Variants in USP28 observed in about 807,000 individuals in gnomAD.
USP28 encodes the protein ubiquitin specific peptidase 28.
In USP28, 113 loss-of-function variants were observed where a neutral mutation model predicts 145.0. The ratio of observed to expected loss-of-function variants is 0.78; its 90% CI spans 0.67 to 0.91. The LOEUF (loss-of-function observed/expected upper bound fraction) is 0.91. Among genes scored for constraint, USP28 ranks in the 40% least tolerant of loss-of-function variants. The pLI, the probability that USP28 is intolerant of heterozygous loss-of-function variation, is 0.00. For synonymous variants in USP28, 447 were observed against 450.9 expected (o/e 0.99, Z 0.11); for missense variants, 1,201 against 1,289.6 (o/e 0.93, Z 1.05).
chr11:113,831,023 G>A (rs768810273), intron 8 of USP28, 80 bp from the exon 9 acceptor site: 3 of 1,461,184 alleles, frequency 2.1e-6, no homozygotes, highest in Non-Finnish European at 2.9e-6. Context: ...TCATTCAAAA[G>A]CAAAAATAGT....
intron 1 of USP28, among the ~76,000 whole-genome samples, chr11:113,856,861 A>C (rs1947103997): frequency 6.6e-6 from 1 of 152,086 alleles, no homozygotes; most frequent in African/African-American, 2.4e-5. Flanking sequence ...TACAGGTGTG[A>C]GCCACCACAC....
At chr11:113,808,533 A>C in intron 17 of USP28, 96 bp from the exon 18 acceptor site, 1 of 1,315,288 alleles carries the variant, frequency 7.6e-7, no homozygotes. Flanking sequence ...TTTAATATAC[A>C]ACCCTGTTAA....
At chr11:113,850,514 T>C (rs963269640) in intron 3 of USP28, among the ~76,000 whole-genome samples, 1 of 152,194 alleles carries the variant, frequency 6.6e-6, no homozygotes, top group South Asian at 2.1e-4. Context: ...GAGAAACATA[T>C]GAGAATACTC....
exon 14 of USP28, chr11:113,815,290 C>G (rs769304445): frequency 6.2e-7 from 1 of 1,613,980 alleles, no homozygotes; most frequent in Non-Finnish European, 8.5e-7. Flanking sequence ...CATGGAAGAC[C>G]GAGAAGATGT....
chr11:113,815,469 A>G, intron 13 of USP28, 87 bp from the exon 14 acceptor site: 1 of 1,250,376 alleles, frequency 8.0e-7, no homozygotes, highest in East Asian at 2.4e-5. Context: ...AAGATGCTAT[A>G]TGAAAAAGTA....
chr11:113,871,088 G>A (rs1043808592), intron 1 of USP28, among the ~76,000 whole-genome samples: 2 of 152,326 alleles, frequency 1.3e-5, no homozygotes, highest in South Asian at 4.1e-4. Flanking sequence ...ACAGGCAGTG[G>A]TATGCTGATT....
At chr11:113,837,768 G>A (rs780558942) in intron 5 of USP28, among the ~76,000 whole-genome samples, 1 of 152,132 alleles carries the variant, frequency 6.6e-6, no homozygotes, top group Non-Finnish European at 1.5e-5. Flanking sequence ...GGTTCAAAGT[G>A]CTGTCAAGAG....
chr11:113,803,664 G>C, intron 22 of USP28, 134 bp downstream of exon 23: 1 of 681,936 alleles, frequency 1.5e-6, no homozygotes, highest in South Asian at 2.1e-5. Flanking sequence ...CCAAAGCACT[G>C]CAAGAGAAGA....
chr11:113,800,138 T>C (rs576172349), intron 24 of USP28, among the ~76,000 whole-genome samples: 1 of 152,190 alleles, frequency 6.6e-6, no homozygotes, highest in South Asian at 2.1e-4. Flanking sequence ...CCCAAGTAGC[T>C]GGGACTACAG....
intron 1 of USP28, among the ~76,000 whole-genome samples, chr11:113,870,704 T>C (rs1948727867): frequency 3.3e-5 from 5 of 152,252 alleles, no homozygotes; most frequent in African/African-American, 1.2e-4. Context: ...AAGCTGTTAT[T>C]GCCACCTTAA....
intron 12 of USP28, chr11:113,818,134 A>G (rs1942031706): frequency 4.0e-6 from 1 of 252,694 alleles, no homozygotes; most frequent in South Asian, 1.5e-4. Context: ...GGCTTTGGTC[A>G]TTTATTTATT....
intron 2 of USP28, among the ~76,000 whole-genome samples, chr11:113,853,010 T>G (rs761231676): frequency 1.2e-4 from 18 of 152,064 alleles, no homozygotes; most frequent in Non-Finnish European, 2.5e-4. Flanking sequence ...ACAATAAAAA[T>G]GCCAAGCAGG....
intron 11 of USP28, among the ~76,000 whole-genome samples, chr11:113,825,914 T>A (rs900890725): frequency 2.0e-5 from 3 of 152,196 alleles, no homozygotes; most frequent in African/African-American, 4.8e-5. Context: ...ACTGTGATGG[T>A]AGTTTATTTG....
chr11:113,827,871 T>G (rs536850354), intron 10 of USP28, among the ~76,000 whole-genome samples: 1 of 152,216 alleles, frequency 6.6e-6, no homozygotes, highest in South Asian at 2.1e-4. Context: ...CCTTTATATA[T>G]ACAAAGGAAA....
intron 18 of USP28, chr11:113,807,999 A>G: frequency 8.3e-6 from 10 of 1,208,856 alleles, no homozygotes; most frequent in Non-Finnish European, 1.0e-5. Context: ...TCCTTCCCAC[A>G]CTGGGAATCT....
At chr11:113,802,813 G>A (rs563632205) in intron 23 of USP28, among the ~76,000 whole-genome samples, 12 of 152,302 alleles carry the variant, frequency 7.9e-5, no homozygotes, top group African/African-American at 2.9e-4. Flanking sequence ...CTACATGACA[G>A]GCACAGAGGA....
chr11:113,851,940 C>T (rs1265904948), intron 3 of USP28, among the ~76,000 whole-genome samples: 1 of 152,180 alleles, frequency 6.6e-6, no homozygotes, highest in Non-Finnish European at 1.5e-5. Flanking sequence ...AAAAAACAAG[C>T]TAAATGCAGG....
intron 10 of USP28, chr11:113,828,915 G>T: frequency 1.8e-6 from 1 of 569,012 alleles, no homozygotes; most frequent in Non-Finnish European, 3.3e-6. Context: ...CTCAGGTACA[G>T]GTAGGCTTCA....
rs147807459 is a variant in USP28, at chr11:113,814,928, T to C, written c.1672+246A>G. Among the ~76,000 whole-genome samples the C allele has an allele frequency of 7.0e-3, 1,055 of 150,892 alleles. 13 individuals are homozygous for C. Among genetic ancestry groups the C allele is most frequent in the African/African-American group, 0.024 (987 of 41,084 alleles). The stretch of plus-strand genomic sequence containing the variant: ...TCAGCCAGGTGTGGTGGTACATGCC[T>C]ATAATCCCAGCTACTTGGGAGGCTG... On this transcript the variant is annotated intron_variant, in intron 14 of 24. Coordinates refer to ENST00000003302, the Ensembl canonical transcript of USP28.
Sources: allele counts gnomAD v4.1 joint callset (sites outside exome capture counted in the v4.1 genomes callset), GRCh38; gene constraint gnomAD v4.1.1; transcripts MANE v1.5; gene names NCBI Gene and HGNC (gene_info 2026-07-23, HGNC 2026-07-21).